Variants in LCORL observed in about 807,000 individuals in gnomAD.
LCORL encodes ligand dependent nuclear receptor corepressor like, also known as ligand-dependent nuclear receptor corepressor-like protein.
A neutral mutation model predicts 141.8 loss-of-function variants in LCORL; 41 were observed. That is an observed-to-expected ratio of 0.29 (90% CI 0.23 to 0.38). The LOEUF is 0.38. Among genes scored for constraint, LCORL ranks in the 10% least tolerant of loss-of-function variants. The pLI, the probability that LCORL is intolerant of heterozygous loss-of-function variation, is 1.00. For synonymous variants in LCORL, 618 were observed against 694.1 expected (o/e 0.89, Z 1.72); for missense variants, 1,759 against 2,035.0 (o/e 0.86, Z 2.61).
At position 17,884,820 on chromosome 4, in the gene LCORL, A is replaced by C; in HGVS notation, c.776+1248T>G. ...GACTCTCACACAGCTATGGAAGGGGAGGGTCCACTCCTTTATTATACTCCT... is the reference window on the plus strand; with the variant it reads ...GACTCTCACACAGCTATGGAAGGGGCGGGTCCACTCCTTTATTATACTCCT... On this transcript the variant is annotated intron_variant, in intron 6 of 7. Coordinates refer to ENST00000635767, the Ensembl canonical transcript of LCORL. This position sits in a 1 kb window ranked among gnomAD's most constrained non-coding sequence, Gnocchi z 4.4. 1.2e-6 allele frequency: 1 copy of C among 841,126 alleles called. No homozygotes were observed. The highest frequency in any genetic ancestry group is 1.8e-6 in the Non-Finnish European group (1 of 565,124). 52.1% of individuals were successfully genotyped at this position (841,126 alleles called of 1,614,324 possible).
At chr4:18,020,670 G>A (rs535414176) in intron 1 of LCORL, 1 of 152,478 alleles carries the variant, frequency 6.6e-6, no homozygotes, top group East Asian at 1.9e-4. Context: ...AGAAGTTTGA[G>A]GCAAAACGAT....
chr4:17,880,275 C>T (rs770622681), intron 6 of LCORL: 6 of 221,670 alleles, frequency 2.7e-5, no homozygotes, highest in Non-Finnish European at 4.5e-5. Context: ...CCCCATATTT[C>T]TTGCATGTTA....
At chr4:17,990,346 G>A (rs750841398) in intron 1 of LCORL, among the ~76,000 whole-genome samples, 10 of 151,684 alleles carry the variant, frequency 6.6e-5, no homozygotes, top group Non-Finnish European at 1.2e-4. Flanking sequence ...TGATCCACCC[G>A]CCTCGGCCTG....
chr4:17,880,321 T>C, intron 6 of LCORL: 5 of 470,944 alleles, frequency 1.1e-5, no homozygotes, highest in Non-Finnish European at 1.4e-5. Context: ...GAGTAAATAA[T>C]AGTTGAACAC....
chr4:18,017,348 T>C (rs1724789694), intron 1 of LCORL, among the ~76,000 whole-genome samples: 1 of 152,182 alleles, frequency 6.6e-6, no homozygotes, highest in Admixed American at 6.5e-5. Context: ...AAATATACTG[T>C]TCCCCAAAAT....
chr4:17,996,248 C>G (rs1410790175), intron 1 of LCORL, among the ~76,000 whole-genome samples: 1 of 151,916 alleles, frequency 6.6e-6, no homozygotes, highest in Non-Finnish European at 1.5e-5. Flanking sequence ...AGTTGTAATA[C>G]TAGAATTTTT....
chr4:17,891,514 A>T (rs916544243), intron 5 of LCORL, among the ~76,000 whole-genome samples: 7 of 152,162 alleles, frequency 4.6e-5, no homozygotes, highest in South Asian at 2.1e-4. Flanking sequence ...CTAAATATTT[A>T]AAAAATGGTT....
chr4:17,987,566 A>G (rs1054647412), intron 1 of LCORL, among the ~76,000 whole-genome samples: 1 of 152,244 alleles, frequency 6.6e-6, no homozygotes, highest in African/African-American at 2.4e-5. Context: ...CTATAGGAAT[A>G]TAATTGCTGG....
intron 1 of LCORL, among the ~76,000 whole-genome samples, chr4:18,001,284 A>G (rs1203627257): frequency 7.0e-6 from 1 of 143,524 alleles, no homozygotes; most frequent in East Asian, 2.0e-4. Flanking sequence ...TATACCTGGC[A>G]TAAGTATTAA....
At chr4:17,989,749 A>G (rs929721431) in intron 1 of LCORL, among the ~76,000 whole-genome samples, 5 of 152,264 alleles carry the variant, frequency 3.3e-5, no homozygotes, top group Non-Finnish European at 7.3e-5. Context: ...TGATATAACA[A>G]AAGACCACAA....
At chr4:17,936,495 G>A (rs1391962997) in intron 4 of LCORL, among the ~76,000 whole-genome samples, 1 of 151,838 alleles carries the variant, frequency 6.6e-6, no homozygotes, top group Non-Finnish European at 1.5e-5. Flanking sequence ...CAGATCATGT[G>A]GTCTCACCAA....
intron 5 of LCORL, among the ~76,000 whole-genome samples, chr4:17,896,234 T>A (rs767235125): frequency 6.6e-6 from 1 of 152,156 alleles, no homozygotes; most frequent in Non-Finnish European, 1.5e-5. Context: ...CCCTAGTGGA[T>A]GTGAAACAAT....
At chr4:17,988,470 G>A (rs73242137) in intron 1 of LCORL, among the ~76,000 whole-genome samples, 20,430 of 151,982 alleles carry the variant, frequency 0.13, 1,753 homozygotes, top group East Asian at 0.25. Flanking sequence ...ACTAGGTTTC[G>A]CTATGTTTTG....
intron 1 of LCORL, among the ~76,000 whole-genome samples, chr4:17,998,257 T>C (rs1174025518): frequency 6.6e-6 from 1 of 152,204 alleles, no homozygotes; most frequent in Non-Finnish European, 1.5e-5. Flanking sequence ...CATTACCATA[T>C]ACTACTGTGG....
intron 7 of LCORL, chr4:17,866,973 A>C: frequency 1.0e-6 from 1 of 984,950 alleles, no homozygotes; most frequent in Non-Finnish European, 1.2e-6. Context: ...CTGGTTAAAG[A>C]AGAAAAGGGT....
intron 2 of LCORL, among the ~76,000 whole-genome samples, chr4:17,964,226 T>C (rs926160695): frequency 1.2e-4 from 19 of 152,192 alleles, no homozygotes; most frequent in Middle Eastern, 3.4e-3. Flanking sequence ...TGTAGGGTAA[T>C]GGAAAGATAA....
chr4:17,942,305 T>C (rs1294738316), intron 4 of LCORL, among the ~76,000 whole-genome samples: 1 of 152,170 alleles, frequency 6.6e-6, no homozygotes, highest in East Asian at 1.9e-4. Flanking sequence ...CATTATTCTC[T>C]GGTCATGACA....
intron 1 of LCORL, among the ~76,000 whole-genome samples, chr4:17,981,401 T>C (rs758097718): frequency 6.6e-6 from 1 of 152,162 alleles, no homozygotes; most frequent in South Asian, 2.1e-4. Flanking sequence ...GAATACAAAA[T>C]TATCATTTTA....
chr4:18,007,169 C>T (rs1351186949), intron 1 of LCORL, among the ~76,000 whole-genome samples: 1 of 152,180 alleles, frequency 6.6e-6, no homozygotes, highest in African/African-American at 2.4e-5. Flanking sequence ...CACTCCCATG[C>T]TTAAAATTCT....
Sources: gnomAD v4.1 joint callset for allele counts (sites outside exome capture counted in the v4.1 genomes callset) on GRCh38, gnomAD v4.1.1 for gene constraint, Gnocchi (gnomAD v3.1) non-coding constraint, MANE v1.5 for transcripts, NCBI Gene and HGNC (gene_info 2026-07-23, HGNC 2026-07-21) for gene names.